DOCK3: variants seen among roughly 807,000 people sequenced by gnomAD.
DOCK3 encodes dedicator of cytokinesis 3.
In DOCK3, 60 loss-of-function variants were observed where a neutral mutation model predicts 265.6. That is an observed-to-expected ratio of 0.23 (90% CI 0.18 to 0.28). DOCK3 has a LOEUF of 0.28. Among genes scored for constraint, DOCK3 ranks in the 10% least tolerant of loss-of-function variants. The probability of loss-of-function intolerance (pLI) is 1.00; values close to 1 mark genes in which losing one functional copy is unlikely to be tolerated. For missense variants in DOCK3, 1,981 were observed against 2,594.3 expected (o/e 0.76, Z 5.14); for synonymous variants, 881 against 938.0 (o/e 0.94, Z 1.11).
chr3:50,965,457 A>T (rs1268000499), intron 5 of DOCK3, among the ~76,000 whole-genome samples: 1 of 152,138 alleles, frequency 6.6e-6, no homozygotes, highest in East Asian at 1.9e-4. Context: ...TGAAATAGAA[A>T]AACTGAATAG....
At chr3:50,730,245 G>A (rs1195827183) in intron 1 of DOCK3, among the ~76,000 whole-genome samples, 2 of 152,066 alleles carry the variant, frequency 1.3e-5, no homozygotes, top group African/African-American at 4.8e-5. Flanking sequence ...AGGTTCAAGC[G>A]ATTCTCCTGC....
chr3:51,030,845 A>G (rs933167952), intron 5 of DOCK3, among the ~76,000 whole-genome samples: 1 of 152,186 alleles, frequency 6.6e-6, no homozygotes. Context: ...CTCATCTATT[A>G]GTGGCCATCC....
chr3:51,004,798 A>G (rs1386257034), intron 5 of DOCK3, among the ~76,000 whole-genome samples: 1 of 148,556 alleles, frequency 6.7e-6, no homozygotes, highest in African/African-American at 2.5e-5. Context: ...TGATGATCAC[A>G]ATGACTTACT....
At chr3:50,685,770 A>G (rs191575350) in intron 1 of DOCK3, 11 of 214,652 alleles carry the variant, frequency 5.1e-5, no homozygotes, top group Non-Finnish European at 9.6e-5. Context: ...AGCTCAAAGG[A>G]GACGTGGCTC....
At chr3:51,258,628 C>T (rs927772619) in intron 22 of DOCK3, among the ~76,000 whole-genome samples, 1 of 152,066 alleles carries the variant, frequency 6.6e-6, no homozygotes, top group Non-Finnish European at 1.5e-5. Flanking sequence ...CTCAGCCTCC[C>T]GAGTACATCC....
At chr3:51,285,478 A>G (rs2081354215) in intron 27 of DOCK3, among the ~76,000 whole-genome samples, 1 of 151,894 alleles carries the variant, frequency 6.6e-6, no homozygotes, top group South Asian at 2.1e-4. Flanking sequence ...GAAAGTATAC[A>G]TAAGTACCAA....
Position 51,275,121 on chromosome 3 carries a change from A to G in DOCK3, c.2591A>G (p.His864Arg). The G allele has an allele frequency of 1.2e-6, 2 of 1,613,780 alleles. No homozygotes were observed. The highest frequency in any genetic ancestry group is 1.7e-6 in the Non-Finnish European group (2 of 1,179,860). The change falls in exon 25 of 53, where the codon CAC becomes CGC. Residue 864 changes from histidine (H) to arginine (R), a missense_variant. By Grantham distance (29) the His-to-Arg change is conservative. This residue lies in a region of DOCK3 where 1,357 missense variants were observed against 1,866.8 expected (regional missense o/e 0.73). Coordinates refer to ENST00000266037, the MANE Select transcript of DOCK3 (RefSeq NM_004947.5). ...CTTCCTGTGGTTCTCCATCACATTC[A>G]CCTTCACCTGAGGCAGCAGAAAGAG... Reference protein sequence around the residue: ...ILLPVVLHHIHLHLRQQKELL... With the variant: ...ILLPVVLHHIRLHLRQQKELL...
At chr3:51,252,166 G>A (rs550766118) in intron 22 of DOCK3, among the ~76,000 whole-genome samples, 1 of 152,134 alleles carries the variant, frequency 6.6e-6, no homozygotes, top group Non-Finnish European at 1.5e-5. Context: ...AAGATCAGAT[G>A]GTTGTAGATG....
At chr3:50,914,375 A>G (rs1225640583) in intron 4 of DOCK3, among the ~76,000 whole-genome samples, 1 of 152,046 alleles carries the variant, frequency 6.6e-6, no homozygotes, top group African/African-American at 2.4e-5. Flanking sequence ...TGCTGTATCC[A>G]TAGGTTTTAG....
chr3:51,096,506 T>C (rs773399531), intron 9 of DOCK3, among the ~76,000 whole-genome samples: 4 of 152,202 alleles, frequency 2.6e-5, no homozygotes, highest in Non-Finnish European at 5.9e-5. Context: ...GTCATTTATG[T>C]TCTTCTCTAA....
chr3:50,780,250 G>A (rs1328688510), intron 2 of DOCK3, among the ~76,000 whole-genome samples: 1 of 152,042 alleles, frequency 6.6e-6, no homozygotes, highest in Non-Finnish European at 1.5e-5. Context: ...CATCACATTC[G>A]GTCATAAAAT....
chr3:51,001,577 T>C (rs1350981076), intron 5 of DOCK3, among the ~76,000 whole-genome samples: 1 of 152,230 alleles, frequency 6.6e-6, no homozygotes, highest in Non-Finnish European at 1.5e-5. Flanking sequence ...GACATCCTGT[T>C]GGTTCTGTTT....
intron 5 of DOCK3, among the ~76,000 whole-genome samples, chr3:50,937,896 A>T (rs2051475747): frequency 6.6e-6 from 1 of 152,146 alleles, no homozygotes. Context: ...GCAGACTTAA[A>T]TCCTAATATA....
rs1255926753 is a variant in DOCK3 at position 51,362,570 on chromosome 3, T to C, written c.5189T>C (p.Val1730Ala). ...AGGTACCAAGGCTCAGTCACCAACG[T>C]CTCTGTTCTGTCCTCGTCCCAGGCA... ...NPRYQGSVTN[V>A]SVLSSSQASP... The change falls in exon 49 of 53, where the codon GTC becomes GCC. Residue 1730 changes from valine to alanine, a missense_variant. Coordinates refer to ENST00000266037, the MANE Select transcript of DOCK3 (RefSeq NM_004947.5). 1 of 1,613,946 alleles carries C rather than the reference T, an allele frequency of 6.2e-7. No individual in the cohort carries two copies. The highest frequency in any genetic ancestry group is 1.1e-5 in the South Asian group (1 of 91,068).
At chr3:51,093,320 A>T (rs191370554) in intron 9 of DOCK3, among the ~76,000 whole-genome samples, 29 of 152,244 alleles carry the variant, frequency 1.9e-4, no homozygotes, top group Non-Finnish European at 1.0e-4. Flanking sequence ...AGCAAATGGA[A>T]TGTTTTTCCA....
intron 5 of DOCK3, among the ~76,000 whole-genome samples, chr3:50,994,960 G>A (rs1352893660): frequency 1.3e-5 from 2 of 152,148 alleles, no homozygotes; most frequent in Non-Finnish European, 2.9e-5. Context: ...AACCTGTATA[G>A]CATGATTTTC....
At chr3:51,169,865 G>A (rs1305297078) in intron 12 of DOCK3, among the ~76,000 whole-genome samples, 2 of 152,144 alleles carry the variant, frequency 1.3e-5, no homozygotes, top group East Asian at 3.8e-4. Context: ...AATCTCACTT[G>A]ATTGTGGTAT....
At position 50,943,318 on chromosome 3, in the gene DOCK3, C is replaced by G. The variant is rs1277868598; in HGVS notation, c.315+9241C>G. On this transcript the variant is annotated intron_variant, in intron 5 of 52. Transcript: ENST00000266037. The stretch of plus-strand genomic sequence containing the variant: ...TACATTGATGCACTGTTTGCAGTAG[C>G]AAAAATAAATTTTGTTTCTCTAAAT... Among the ~76,000 whole-genome samples, 4 of 151,612 alleles carry G rather than the reference C, an allele frequency of 2.6e-5. No individual in the cohort carries two copies. The East Asian group carries it at 7.7e-4, about 29-fold the overall frequency.
intron 21 of DOCK3, among the ~76,000 whole-genome samples, chr3:51,246,442 C>T (rs973857254): frequency 6.6e-6 from 1 of 152,034 alleles, no homozygotes; most frequent in Non-Finnish European, 1.5e-5. Context: ...CCATGTTCCC[C>T]AGACTTGGGT....
Sources: allele counts gnomAD v4.1 joint callset (sites outside exome capture counted in the v4.1 genomes callset), GRCh38; gene constraint gnomAD v4.1.1; regional missense constraint gnomAD v4.1.1; transcripts MANE v1.5; gene names NCBI Gene and HGNC (gene_info 2026-07-23, HGNC 2026-07-21).